Variants in RIMBP2 observed in about 807,000 individuals in gnomAD.
RIMBP2 encodes RIMS binding protein 2.
In RIMBP2, 48 loss-of-function variants were observed where a neutral mutation model predicts 118.6. The ratio of observed to expected loss-of-function variants is 0.40; its 90% CI spans 0.32 to 0.51. The LOEUF (loss-of-function observed/expected upper bound fraction) is 0.51. Ranked by LOEUF, RIMBP2 falls within the 20% of genes least tolerant of loss-of-function variation. The probability of loss-of-function intolerance (pLI) is 0.41; values close to 1 mark genes in which losing one functional copy is unlikely to be tolerated. For synonymous variants in RIMBP2, 762 were observed against 742.9 expected (o/e 1.03, Z -0.42); for missense variants, 1,551 against 1,768.3 (o/e 0.88, Z 2.20).
intron 17 of RIMBP2, among the ~76,000 whole-genome samples, chr12:130,421,664 T>G (rs2076412669): frequency 1.3e-5 from 2 of 150,776 alleles, no homozygotes; most frequent in South Asian, 4.2e-4. Flanking sequence ...CTATTTCTGC[T>G]GTATCAAGAG....
intron 1 of RIMBP2, among the ~76,000 whole-genome samples, chr12:130,644,027 G>A (rs2062741068): frequency 6.6e-6 from 1 of 152,216 alleles, no homozygotes; most frequent in African/African-American, 2.4e-5. Context: ...CACATGCAAA[G>A]GCCCTGAGGC....
intron 2 of RIMBP2, among the ~76,000 whole-genome samples, chr12:130,610,003 AAC>A (rs2060413063): frequency 6.6e-6 from 1 of 152,126 alleles, no homozygotes; most frequent in Non-Finnish European, 1.5e-5. Flanking sequence ...CTTCTCCAGA[AAC>A]GCCCTCACAG....
intron 6 of RIMBP2, chr12:130,466,259 C>A (rs144837030): frequency 1.3e-5 from 2 of 152,348 alleles, no homozygotes; most frequent in South Asian, 2.1e-4. Context: ...CAGCTGGAAT[C>A]TCCCTGCTCT....
chr12:130,403,867 C>A (rs1157571181), intron 21 of RIMBP2, among the ~76,000 whole-genome samples: 1 of 152,128 alleles, frequency 6.6e-6, no homozygotes, highest in Non-Finnish European at 1.5e-5. Flanking sequence ...CAGTAATTTA[C>A]TGATGAAAAA....
intron 18 of RIMBP2, 151 bp downstream of exon 18, chr12:130,413,974 T>C: frequency 1.2e-6 from 1 of 839,678 alleles, no homozygotes; most frequent in Non-Finnish European, 1.9e-6. Flanking sequence ...GCCCTTGCCG[T>C]CACAGCACCA....
At chr12:130,537,005 T>G (rs763109682) in intron 2 of RIMBP2, among the ~76,000 whole-genome samples, 1 of 152,146 alleles carries the variant, frequency 6.6e-6, no homozygotes, top group Non-Finnish European at 1.5e-5. Context: ...ATCTGGCCAG[T>G]ACTGTTAAAA....
intron 1 of RIMBP2, among the ~76,000 whole-genome samples, chr12:130,689,792 A>T (rs1007886373): frequency 4.6e-5 from 7 of 152,192 alleles, no homozygotes; most frequent in South Asian, 2.1e-4. Flanking sequence ...TATGCATCGT[A>T]CCAAATGATC....
intron 1 of RIMBP2, among the ~76,000 whole-genome samples, chr12:130,654,744 C>T (rs2063354624): frequency 6.6e-6 from 1 of 152,228 alleles, no homozygotes; most frequent in Non-Finnish European, 1.5e-5. Flanking sequence ...TTGATTGGCT[C>T]ATGGTTCTGC....
chr12:130,692,802 A>C (rs1279239353), intron 1 of RIMBP2, among the ~76,000 whole-genome samples: 1 of 144,714 alleles, frequency 6.9e-6, no homozygotes, highest in African/African-American at 2.5e-5. Context: ...AATAGAATGG[A>C]AAAGTGGGAT....
intron 7 of RIMBP2, 81 bp downstream of exon 7, chr12:130,456,415 T>C (rs2277360): frequency 0.46 from 601,070 of 1,299,154 alleles, 141,623 homozygotes; most frequent in African/African-American, 0.49. Flanking sequence ...ACCAAACCGA[T>C]TTCACCTGTG....
intron 2 of RIMBP2, among the ~76,000 whole-genome samples, chr12:130,524,543 G>C (rs1334792827): frequency 6.6e-6 from 1 of 152,234 alleles, no homozygotes; most frequent in Non-Finnish European, 1.5e-5. Flanking sequence ...AGGCAAGAAG[G>C]GTTGGGTGGC....
chr12:130,575,691 A>T (rs2058038899), intron 2 of RIMBP2, among the ~76,000 whole-genome samples: 1 of 152,194 alleles, frequency 6.6e-6, no homozygotes, highest in African/African-American at 2.4e-5. Context: ...AGTGATAAGC[A>T]CTGTAAACAC....
intron 2 of RIMBP2, among the ~76,000 whole-genome samples, chr12:130,532,239 T>G (rs1264278767): frequency 2.2e-5 from 3 of 136,946 alleles, no homozygotes; most frequent in South Asian, 2.5e-4. Context: ...ATGCGTGTGT[T>G]TAGCCTCTAG....
chr12:130,635,434 A>T (rs900837001), intron 1 of RIMBP2, among the ~76,000 whole-genome samples: 1 of 152,100 alleles, frequency 6.6e-6, no homozygotes, highest in Non-Finnish European at 1.5e-5. Context: ...GATAGGCTGG[A>T]CTCTGCTGTG....
chr12:130,619,738 C>G (rs1594066857), intron 2 of RIMBP2, among the ~76,000 whole-genome samples: 1 of 152,316 alleles, frequency 6.6e-6, no homozygotes, highest in East Asian at 1.9e-4. Context: ...CCTTATCAAC[C>G]TCCTCTCCTA....
chr12:130,531,345 A>G (rs1217179450), intron 2 of RIMBP2, among the ~76,000 whole-genome samples: 1 of 152,226 alleles, frequency 6.6e-6, no homozygotes, highest in Non-Finnish European at 1.5e-5. Flanking sequence ...CCCAGCTGAG[A>G]GTCCCCAAAA....
At chr12:130,706,172 G>A (rs909259980) in intron 1 of RIMBP2, among the ~76,000 whole-genome samples, 1 of 152,176 alleles carries the variant, frequency 6.6e-6, no homozygotes, top group Non-Finnish European at 1.5e-5. Context: ...TAAATGCTCT[G>A]TGCCATTGAA....
chr12:130,459,225 A>ATGG (rs919581717), intron 6 of RIMBP2, among the ~76,000 whole-genome samples: 23 of 151,504 alleles, frequency 1.5e-4, no homozygotes, highest in East Asian at 9.7e-4. Context: ...TGTACAGCTG[A>ATGG]TGGTGGTGGT....
At chr12:130,478,878 C>T (rs765189892) in intron 5 of RIMBP2, 34 bp downstream of exon 5, 2 of 1,544,896 alleles carry the variant, frequency 1.3e-6, no homozygotes, top group Admixed American at 1.7e-5. Context: ...GGACTCCCTG[C>T]CTCGCACGCC....
Sources: allele counts gnomAD v4.1 joint callset (sites outside exome capture counted in the v4.1 genomes callset), GRCh38; gene constraint gnomAD v4.1.1; transcripts MANE v1.5; gene names NCBI Gene and HGNC (gene_info 2026-07-23, HGNC 2026-07-21).